Variants in OMA1 observed in about 807,000 individuals in gnomAD.
OMA1 encodes metalloendopeptidase OMA1, mitochondrial.
In OMA1, 38 loss-of-function variants were observed where a neutral mutation model predicts 30.9. That is an observed-to-expected ratio of 1.23 (90% CI 0.95 to 1.61). OMA1 has a LOEUF of 1.61. OMA1 is among the 40% of genes most tolerant of loss of function. The probability of loss-of-function intolerance (pLI) is 0.00; values close to 1 mark genes in which losing one functional copy is unlikely to be tolerated. For synonymous variants in OMA1, 173 were observed against 121.9 expected (o/e 1.42, Z -2.76); for missense variants, 461 against 349.2 (o/e 1.32, Z -2.55).
chr1:58,520,363 A>T (rs1646243283), intron 7 of OMA1, among the ~76,000 whole-genome samples: 1 of 152,204 alleles, frequency 6.6e-6, no homozygotes, highest in African/African-American at 2.4e-5. Flanking sequence ...CCTACAACTC[A>T]AGAATAAGAA....
At chr1:58,494,080 T>A (rs539247178) in intron 8 of OMA1, among the ~76,000 whole-genome samples, 64 of 151,818 alleles carry the variant, frequency 4.2e-4, no homozygotes, top group African/African-American at 7.7e-4. Context: ...ATATAGACCA[T>A]TGGAACAGAA....
chr1:58,544,859 G>C (rs996995937), intron 1 of OMA1, among the ~76,000 whole-genome samples: 3 of 152,314 alleles, frequency 2.0e-5, no homozygotes, highest in Admixed American at 6.5e-5. Context: ...CTCCCAAAGT[G>C]TTGGGATTAT....
chr1:58,516,533 C>T (rs1250299980), intron 7 of OMA1, among the ~76,000 whole-genome samples: 5 of 152,074 alleles, frequency 3.3e-5, no homozygotes, highest in South Asian at 2.1e-4. Context: ...ATTTATATAA[C>T]GACAAATGCC....
intron 8 of OMA1, among the ~76,000 whole-genome samples, chr1:58,490,510 A>G (rs1261529774): frequency 6.6e-6 from 1 of 152,204 alleles, no homozygotes; most frequent in Non-Finnish European, 1.5e-5. Context: ...CAAGTTGGAA[A>G]ACACTCTGCA....
chr1:58,533,369 T>C (rs558375438), intron 5 of OMA1, among the ~76,000 whole-genome samples: 20 of 152,360 alleles, frequency 1.3e-4, no homozygotes, highest in African/African-American at 4.6e-4. Flanking sequence ...AACATTAGTT[T>C]TCTCTTATAT....
At chr1:58,483,343 T>C (rs1212013060) in intron 8 of OMA1, among the ~76,000 whole-genome samples, 4 of 152,136 alleles carry the variant, frequency 2.6e-5, no homozygotes, top group African/African-American at 9.7e-5. Flanking sequence ...TGCTAACATT[T>C]CATTGAGTCC....
intron 8 of OMA1, among the ~76,000 whole-genome samples, chr1:58,489,010 C>T (rs1427056576): frequency 2.0e-5 from 3 of 152,228 alleles, no homozygotes; most frequent in African/African-American, 4.8e-5. Context: ...CAGCTCCCAG[C>T]GTCAGCGACG....
At chr1:58,490,105 G>A (rs981477973) in intron 8 of OMA1, among the ~76,000 whole-genome samples, 39 of 152,358 alleles carry the variant, frequency 2.6e-4, no homozygotes, top group Non-Finnish European at 4.0e-4. Context: ...TGACTTTGAC[G>A]AGTTGAGAGA....
intron 7 of OMA1, among the ~76,000 whole-genome samples, 153 bp downstream of exon 7, chr1:58,527,108 A>T (rs902093779): frequency 2.6e-5 from 4 of 152,174 alleles, no homozygotes; most frequent in Non-Finnish European, 4.4e-5. Flanking sequence ...CAAGGTCCAT[A>T]ATCTTCAAAT....
At chr1:58,535,802 A>G (rs1557458061) in intron 3 of OMA1, among the ~76,000 whole-genome samples, 1 of 152,136 alleles carries the variant, frequency 6.6e-6, no homozygotes, top group Non-Finnish European at 1.5e-5. Context: ...CCAAAGAGGT[A>G]AGACTTCTAA....
At chr1:58,506,023 TA>T (rs1370330836) in intron 8 of OMA1, 36 bp downstream of exon 8, 11 of 814,914 alleles carry the variant, frequency 1.3e-5, no homozygotes, top group Non-Finnish European at 2.4e-5. Flanking sequence ...AATGATACAG[TA>T]AAAATAATGT....
intron 7 of OMA1, among the ~76,000 whole-genome samples, chr1:58,519,952 T>C (rs1055162687): frequency 4.0e-5 from 6 of 149,792 alleles, no homozygotes; most frequent in South Asian, 2.1e-4. Flanking sequence ...AACTTCAAGA[T>C]AGGTAGTGGA....
chr1:58,522,555 T>C (rs1332638930), intron 7 of OMA1, among the ~76,000 whole-genome samples: 2 of 152,160 alleles, frequency 1.3e-5, no homozygotes, highest in African/African-American at 4.8e-5. Flanking sequence ...TTTTGGCTAT[T>C]GCAATAAAGC....
At chr1:58,504,741 C>T (rs1645960104) in intron 8 of OMA1, among the ~76,000 whole-genome samples, 1 of 152,162 alleles carries the variant, frequency 6.6e-6, no homozygotes, top group African/African-American at 2.4e-5. Flanking sequence ...AAACTAGAAG[C>T]AGATTCATCT....
At chr1:58,482,634 T>C (rs1288354508) in intron 8 of OMA1, among the ~76,000 whole-genome samples, 1 of 152,082 alleles carries the variant, frequency 6.6e-6, no homozygotes, top group Non-Finnish European at 1.5e-5. Context: ...GGTAAAATCT[T>C]AGAAAGACTA....
At chr1:58,496,655 A>G (rs1250638491) in intron 8 of OMA1, among the ~76,000 whole-genome samples, 1 of 152,136 alleles carries the variant, frequency 6.6e-6, no homozygotes, top group African/African-American at 2.4e-5. Flanking sequence ...CTTTTAAATA[A>G]GATTATCCTC....
rs1320536009 is a variant in OMA1, at chr1:58,546,705, A to T, written c.-19T>A. On this transcript the variant is annotated splice_region_variant and 5_prime_UTR_variant, in exon 1 of 9. Transcript: ENST00000371226. ...AAAGCGTCACCGTGAGGACTGACTC[A>T]AGCAGAAGCGAAAGCGGTGACACCG... is the stretch of plus-strand genomic sequence containing the variant. 6.6e-6 allele frequency: 1 copy of T among 152,070 alleles called. No homozygotes were observed. The highest frequency in any genetic ancestry group is 6.6e-5 in the Admixed American group (1 of 15,266). 9.4% of individuals were successfully genotyped at this position (152,070 alleles called of 1,614,324 possible). A position where few individuals can be genotyped will look rare whatever the true frequency, so the allele number is the denominator to read the frequency against.
At chr1:58,527,585 GGAATTT>G (rs1325350525) in intron 6 of OMA1, among the ~76,000 whole-genome samples, 9 of 152,076 alleles carry the variant, frequency 5.9e-5, no homozygotes, top group Non-Finnish European at 1.3e-4. Context: ...TGTAGTATAA[GGAATTT>G]ACTTCTATTT....
chr1:58,489,383 C>A (rs1400720684), intron 8 of OMA1, among the ~76,000 whole-genome samples: 1 of 152,176 alleles, frequency 6.6e-6, no homozygotes, highest in African/African-American at 2.4e-5. Flanking sequence ...AAGGTGGCAG[C>A]GAGGCTGGGG....
Sources: allele counts gnomAD v4.1 joint callset (sites outside exome capture counted in the v4.1 genomes callset), GRCh38; gene constraint gnomAD v4.1.1; transcripts MANE v1.5; gene names NCBI Gene and HGNC (gene_info 2026-07-23, HGNC 2026-07-21).